Variants in ITPR1 observed in about 807,000 individuals in gnomAD.
The protein encoded by ITPR1 is inositol 1,4,5-trisphosphate receptor type 1, also known as inositol 1,4,5-trisphosphate-gated calcium channel ITPR1.
ITPR1 carries 96 observed loss-of-function variants against 318.4 expected under a neutral mutation model. The observed-to-expected ratio is 0.30, with a 90% CI of 0.26 to 0.36. The LOEUF (loss-of-function observed/expected upper bound fraction) is 0.36. Among genes scored for constraint, ITPR1 ranks in the 10% least tolerant of loss-of-function variants. The probability of loss-of-function intolerance (pLI) is 1.00; values close to 1 mark genes in which losing one functional copy is unlikely to be tolerated. For missense variants in ITPR1, 2,440 were observed against 3,460.2 expected, an observed-to-expected ratio of 0.71 and a Z score of 7.40; for synonymous variants, 1,312 against 1,289.9, an observed-to-expected ratio of 1.02 and a Z score of -0.37.
chr3:4,591,879 GT>G (rs1165164494), intron 4 of ITPR1, among the ~76,000 whole-genome samples: 2 of 152,102 alleles, frequency 1.3e-5, no homozygotes, highest in African/African-American at 4.8e-5. Context: ...AGCAGTGTCA[GT>G]TTAACAGTCA....
At position 4,675,248 on chromosome 3, in the gene ITPR1, A is replaced by G; in HGVS notation, c.2779A>G (p.Ser927Gly). The G allele has an allele frequency of 1.2e-6, 2 of 1,606,972 alleles. No individual in the cohort carries two copies. The highest frequency in any genetic ancestry group is 1.7e-6 in the Non-Finnish European group (2 of 1,177,214). The change falls in exon 23 of 62, where the codon AGC becomes GGC. Residue 927 changes from serine (S) to glycine (G), a missense_variant and splice_region_variant. Ser to Gly is a moderately conservative substitution (Grantham distance 56). Coordinates refer to ENST00000649015, the MANE Select transcript of ITPR1 (RefSeq NM_001378452.1). ...TAACAATGATGTGGAGAAGCTGAAG[A>G]GTGAGTATCTGAGGGTGCCCATACA... ...KGNNDVEKLK[S>G]SNVMRSIHGV...
chr3:4,537,011 G>T (rs1490596926), intron 4 of ITPR1, among the ~76,000 whole-genome samples: 1 of 152,156 alleles, frequency 6.6e-6, no homozygotes, highest in Non-Finnish European at 1.5e-5. Context: ...TGCAGCAGGG[G>T]CTCAGGAAAA....
chr3:4,817,386 C>T (rs2049372889), intron 59 of ITPR1: 1 of 152,218 alleles, frequency 6.6e-6, no homozygotes. Context: ...TGTATCTGCA[C>T]ACATCTGTGT....
At chr3:4,775,145 T>A in intron 46 of ITPR1, 97 bp from the exon 47 acceptor site, 1 of 893,324 alleles carries the variant, frequency 1.1e-6, no homozygotes, top group Non-Finnish European at 1.9e-6. Flanking sequence ...TCTGTATAAT[T>A]ACCAACCTAT....
At chr3:4,579,981 C>G (rs111713711) in intron 4 of ITPR1, among the ~76,000 whole-genome samples, 2 of 152,220 alleles carry the variant, frequency 1.3e-5, no homozygotes, top group South Asian at 4.1e-4. Flanking sequence ...GAGGCCGAGA[C>G]GGGTGGATCA....
rs1396361560 is a variant in ITPR1 at position 4,711,766 on chromosome 3, G to A, written c.5001G>A (p.Lys1667=). The A allele has an allele frequency of 8.4e-6, 13 of 1,538,960 alleles. No individual in the cohort carries two copies. The highest frequency in any genetic ancestry group is 2.0e-5 in the Admixed American group (1 of 51,044). Residue 1667 remains lysine, a synonymous_variant, in exon 39 of 62, where the codon AAG becomes AAA. Coordinates refer to ENST00000649015, the MANE Select transcript of ITPR1 (RefSeq NM_001378452.1). The part of the protein sequence containing the change: ...ESGGFICKLI[K]HTKQLLEENE... Reference sequence around the variant, plus strand: ...TTTTCCCCCCATTCAGGTTAATAAAGCATACAAAACAGCTGCTAGAAGAAA... The same window carrying A: ...TTTTCCCCCCATTCAGGTTAATAAAACATACAAAACAGCTGCTAGAAGAAA...
At chr3:4,547,703 AT>A (rs2085159669) in intron 4 of ITPR1, among the ~76,000 whole-genome samples, 1 of 152,296 alleles carries the variant, frequency 6.6e-6, no homozygotes. Context: ...AAAAAGGTTG[AT>A]TCCCAACCCC....
In ITPR1 at chr3:4,779,674, C is replaced by T; in HGVS notation, c.6387+29C>T. On this transcript the variant is annotated intron_variant, in intron 49 of 61. Coordinates refer to ENST00000649015, the MANE Select transcript of ITPR1 (RefSeq NM_001378452.1). The surrounding 1 kb of genome is among the most constrained non-coding windows in gnomAD (Gnocchi z 4.0). ...AGTCGGGTGACGGATCTGATGGTAG[C>T]ACCAAGGAGCATTGCGACGATATTT... 1 of 1,456,758 alleles carries T rather than the reference C, an allele frequency of 6.9e-7. No homozygotes were observed. Among genetic ancestry groups the T allele is most frequent in the South Asian group, 1.1e-5 (1 of 87,842 alleles). 90.2% of individuals were successfully genotyped at this position (1,456,758 alleles called of 1,614,324 possible).
intron 23 of ITPR1, among the ~76,000 whole-genome samples, chr3:4,676,127 A>G (rs55720230): frequency 0.034 from 5,110 of 151,624 alleles, 102 homozygotes; most frequent in Non-Finnish European, 0.051. Context: ...GGATTGCTTG[A>G]GGCCAGGAGT....
chr3:4,782,469 G>C, intron 49 of ITPR1, 150 bp from the exon 50 acceptor site: 1 of 651,500 alleles, frequency 1.5e-6, no homozygotes, highest in South Asian at 3.2e-5. Flanking sequence ...GTGTCATGAA[G>C]GATTCTGAGG....
intron 4 of ITPR1, among the ~76,000 whole-genome samples, chr3:4,625,990 C>A (rs945007945): frequency 6.6e-6 from 1 of 152,028 alleles, no homozygotes; most frequent in African/African-American, 2.4e-5. Context: ...GATGACATAT[C>A]CCTGTCAGAA....
intron 4 of ITPR1, among the ~76,000 whole-genome samples, chr3:4,624,443 T>C (rs553089809): frequency 1.3e-5 from 2 of 152,134 alleles, no homozygotes; most frequent in East Asian, 3.9e-4. Context: ...CCAAGGTGGG[T>C]GGATCACTTG....
chr3:4,793,939 C>T (rs922483928), intron 52 of ITPR1, among the ~76,000 whole-genome samples: 4 of 152,172 alleles, frequency 2.6e-5, no homozygotes, highest in Non-Finnish European at 4.4e-5. Flanking sequence ...TGGAAGCTCC[C>T]AAAGGCTTGG....
intron 40 of ITPR1, among the ~76,000 whole-genome samples, chr3:4,719,185 T>C (rs1490980635): frequency 6.6e-6 from 1 of 152,168 alleles, no homozygotes; most frequent in African/African-American, 2.4e-5. Flanking sequence ...TAGAATACTG[T>C]CTGTTTATAA....
At chr3:4,683,356 T>C in intron 26 of ITPR1, 30 bp from the exon 27 acceptor site, 22 of 1,613,704 alleles carry the variant, frequency 1.4e-5, no homozygotes, top group Non-Finnish European at 1.9e-5. Context: ...TGTCATTCAT[T>C]TGGCCTTTCC....
intron 4 of ITPR1, among the ~76,000 whole-genome samples, chr3:4,579,924 TTA>T (rs72129844): frequency 0.13 from 20,452 of 152,138 alleles, 1,455 homozygotes; most frequent in African/African-American, 0.15. Context: ...AAAAAAACCT[TTA>T]TTAGCCAGGT....
rs746803263 is a variant in ITPR1, at chr3:4,813,158, G to C, written c.7485G>C (p.Leu2495Phe). Residue 2495 changes from leucine (L) to phenylalanine (F), a missense_variant, in exon 57 of 62, where the codon TTG (leucine) becomes TTC (phenylalanine). Coordinates refer to ENST00000649015, the MANE Select transcript of ITPR1 (RefSeq NM_001378452.1). ...ETAVPETGES[L>F]ASEFLFSDVC... ...CTCTCCCAGAAACCGGCGAGAGTTT[G>C]GCAAGCGAGTTCCTGTTCTCCGATG... 6.2e-7 allele frequency: 1 copy of C among 1,613,940 alleles called. No individual in the cohort carries two copies. The highest frequency in any genetic ancestry group is 8.5e-7 in the Non-Finnish European group (1 of 1,179,864).
chr3:4,816,120 T>A (rs908951731), intron 59 of ITPR1: 6 of 152,168 alleles, frequency 3.9e-5, no homozygotes, highest in Non-Finnish European at 7.3e-5. Flanking sequence ...ACAGTATAAT[T>A]ATCAAAATTG....
At chr3:4,517,442 C>A (rs557499870) in intron 3 of ITPR1, among the ~76,000 whole-genome samples, 89 of 152,336 alleles carry the variant, frequency 5.8e-4, no homozygotes, top group African/African-American at 2.0e-3. Context: ...ATTTTTACAG[C>A]AGCCAGACCT....
Sources: allele counts gnomAD v4.1 joint callset (sites outside exome capture counted in the v4.1 genomes callset), GRCh38; gene constraint gnomAD v4.1.1; non-coding constraint Gnocchi (gnomAD v3.1); transcripts MANE v1.5; gene names NCBI Gene and HGNC (gene_info 2026-07-23, HGNC 2026-07-21).